Variants in NEK10 observed in about 807,000 individuals in gnomAD.
NEK10 encodes NIMA related kinase 10.
Under a neutral mutation model 159.8 loss-of-function variants are expected in NEK10, and 122 were observed. That is an observed-to-expected ratio of 0.76 (90% confidence interval 0.66 to 0.89). NEK10 has a LOEUF of 0.89. Ranked by LOEUF, NEK10 falls within the 40% of genes least tolerant of loss-of-function variation. NEK10 has a pLI of 0.00. For synonymous variants in NEK10, 466 were observed against 457.1 expected (o/e 1.02, Z -0.25); for missense variants, 1,342 against 1,323.1 (o/e 1.01, Z -0.22).
At chr3:27,286,079 C>CTTTTTTTTTTTTTTTTT in intron 20 of NEK10, among the ~76,000 whole-genome samples, 1 of 57,704 alleles carries the variant, frequency 1.7e-5, no homozygotes, top group Non-Finnish European at 2.9e-5. Context: ...ATTTCCAATT[C>CTTTTTTTTTTTTTTTTT]TTTTTTTTTT....
chr3:27,146,351 A>G (rs1944296451), intron 30 of NEK10, among the ~76,000 whole-genome samples: 1 of 152,202 alleles, frequency 6.6e-6, no homozygotes, highest in East Asian at 1.9e-4. Flanking sequence ...TACTCTCCCA[A>G]TTGATCAAAA....
chr3:27,181,754 G>T (rs894343637), intron 26 of NEK10, among the ~76,000 whole-genome samples: 3 of 152,016 alleles, frequency 2.0e-5, no homozygotes, highest in Non-Finnish European at 4.4e-5. Flanking sequence ...ATGAAGGAGG[G>T]AGTCTGTGGC....
At chr3:27,227,182 C>G (rs1003138720) in intron 23 of NEK10, among the ~76,000 whole-genome samples, 7 of 152,050 alleles carry the variant, frequency 4.6e-5, no homozygotes, top group African/African-American at 1.7e-4. Flanking sequence ...TAGAAGCAAA[C>G]TAATGGAGGT....
intron 23 of NEK10, among the ~76,000 whole-genome samples, chr3:27,221,353 T>C (rs1025611028): frequency 2.0e-5 from 3 of 152,206 alleles, no homozygotes; most frequent in Non-Finnish European, 2.9e-5. Flanking sequence ...AAAAACAAAG[T>C]TGTTAAACTT....
At position 27,261,969 on chromosome 3, in the gene NEK10, A is replaced by G. The variant is rs75198397; in HGVS notation, c.2015-5598T>C. 4.4e-3 allele frequency among the ~76,000 whole-genome samples: 677 copies of G among 152,172 alleles called. 2 individuals carry two copies. The highest frequency in any genetic ancestry group is 0.015 in the African/African-American group (623 of 41,512). ...TTCTTGTTGAATTGATCCCTTTACCATTATGTAATGGCCTTCTTTGTCTCT... is the reference window on the plus strand; with the variant it reads ...TTCTTGTTGAATTGATCCCTTTACCGTTATGTAATGGCCTTCTTTGTCTCT... On this transcript the variant is annotated intron_variant, in intron 22 of 35. Coordinates refer to ENST00000691995, the MANE Select transcript of NEK10 (RefSeq NM_001394966.1).
chr3:27,234,078 A>C (rs1559660711), intron 23 of NEK10, among the ~76,000 whole-genome samples: 1 of 152,130 alleles, frequency 6.6e-6, no homozygotes, highest in Non-Finnish European at 1.5e-5. Flanking sequence ...ACATCCCTTC[A>C]TGCTAAAATC....
chr3:27,142,245 C>T lies in NEK10; in HGVS notation c.2870-663G>A, dbSNP rs147188398. Among the ~76,000 whole-genome samples the T allele has an allele frequency of 1.6e-4, 24 of 152,236 alleles. No individual in the cohort carries two copies. The East Asian group carries it at 3.9e-3, about 24-fold the overall frequency. ...AATTACATATTAGTTGCTTTCCCAG[C>T]GTCCTCTGCCATAGCCACAGTCTGT... On this transcript the variant is annotated intron_variant, in intron 30 of 35. Transcript: ENST00000691995.
In NEK10 at chr3:27,257,189, C is replaced by T. The variant is rs1481270584; in HGVS notation, c.2015-818G>A. The stretch of plus-strand genomic sequence containing the variant: ...TTGGCCTCTCAAAGTGCTGGGATTA[C>T]AGGCGTGAGCCACCAGGCCCAGCCT... On this transcript the variant is annotated intron_variant, in intron 22 of 35. Coordinates refer to ENST00000691995, the MANE Select transcript of NEK10 (RefSeq NM_001394966.1). Among the ~76,000 whole-genome samples, 3 of 152,216 alleles carry T rather than the reference C, an allele frequency of 2.0e-5. No individual in the cohort carries two copies. In the East Asian group the frequency reaches 5.8e-4, roughly 29 times the overall value.
intron 23 of NEK10, chr3:27,206,667 A>G (rs1950572201): frequency 1.0e-6 from 1 of 981,032 alleles, no homozygotes; most frequent in Non-Finnish European, 1.2e-6. Flanking sequence ...AAGCCCCTCA[A>G]GTGCGCACAG....
At chr3:27,345,714 A>G (rs1157075366) in intron 4 of NEK10, among the ~76,000 whole-genome samples, 1 of 152,168 alleles carries the variant, frequency 6.6e-6, no homozygotes, top group African/African-American at 2.4e-5. Flanking sequence ...GATATACTTT[A>G]ACCACCACAT....
At chr3:27,147,086 T>C (rs1158377785) in intron 30 of NEK10, among the ~76,000 whole-genome samples, 1 of 152,178 alleles carries the variant, frequency 6.6e-6, no homozygotes, top group African/African-American at 2.4e-5. Context: ...GCAATATGGT[T>C]TTCAGAAAGT....
At chr3:27,260,986 T>C (rs2040360538) in intron 22 of NEK10, among the ~76,000 whole-genome samples, 2 of 152,216 alleles carry the variant, frequency 1.3e-5, no homozygotes, top group Admixed American at 1.3e-4. Flanking sequence ...CCATTTCTTC[T>C]AGATTTTCTA....
rs145135693 is a variant in NEK10, at chr3:27,153,457, T to C, written c.2869+9244A>G. 3.2e-4 allele frequency among the ~76,000 whole-genome samples: 49 copies of C among 152,230 alleles called. No individual in the cohort carries two copies. In the East Asian group the frequency reaches 9.5e-3, roughly 29 times the overall value. ...ACTAAATACCTTGAAACAAATGGAC[T>C]TAACAGATATATACAGAACATTTCA... On this transcript the variant is annotated intron_variant, in intron 30 of 35. Transcript: ENST00000691995.
intron 12 of NEK10, among the ~76,000 whole-genome samples, chr3:27,302,883 G>T (rs891578348): frequency 1.3e-5 from 2 of 152,108 alleles, no homozygotes; most frequent in African/African-American, 4.8e-5. Flanking sequence ...AAATTGTAGG[G>T]ATCTCTTCAC....
At chr3:27,253,611 T>C (rs1024416485) in intron 23 of NEK10, among the ~76,000 whole-genome samples, 83 of 151,862 alleles carry the variant, frequency 5.5e-4, no homozygotes, top group African/African-American at 1.8e-3. Flanking sequence ...CCTACAAGAG[T>C]TGACAAAGAG....
At chr3:27,132,093 T>C (rs1354064191) in intron 31 of NEK10, 103 bp from the exon 32 acceptor site, 4 of 508,954 alleles carry the variant, frequency 7.9e-6, no homozygotes, top group Non-Finnish European at 1.1e-5. Context: ...ATTCACTCAA[T>C]AGGACTATGT....
At chr3:27,330,759 G>A (rs2046337217) in intron 5 of NEK10, among the ~76,000 whole-genome samples, 1 of 152,072 alleles carries the variant, frequency 6.6e-6, no homozygotes, top group Admixed American at 6.6e-5. Flanking sequence ...GACTACCACG[G>A]TCAAAGGATC....
chr3:27,305,500 T>C (rs2044168567), intron 11 of NEK10, among the ~76,000 whole-genome samples: 1 of 151,756 alleles, frequency 6.6e-6, no homozygotes, highest in African/African-American at 2.4e-5. Context: ...CACTCCAGCC[T>C]GGGTGACAGA....
intron 30 of NEK10, among the ~76,000 whole-genome samples, chr3:27,158,766 T>C (rs1443037224): frequency 6.6e-6 from 1 of 152,120 alleles, no homozygotes; most frequent in Non-Finnish European, 1.5e-5. Context: ...CACTTGAAAA[T>C]TTAGGTTTGA....
Sources: allele counts gnomAD v4.1 joint callset (sites outside exome capture counted in the v4.1 genomes callset), GRCh38; gene constraint gnomAD v4.1.1; transcripts MANE v1.5; gene names NCBI Gene and HGNC (gene_info 2026-07-23, HGNC 2026-07-21).